Variants in B4GALT5 observed in about 807,000 individuals in gnomAD.
B4GALT5 encodes UDP-Gal:beta-GlcNAc beta-1,4-galactosyltransferase 5.
B4GALT5 carries 11 observed loss-of-function variants against 45.0 expected under a neutral mutation model. The observed-to-expected ratio is 0.24, with a 90% CI of 0.15 to 0.40. B4GALT5 has a LOEUF of 0.40. Ranked by LOEUF, B4GALT5 falls within the 10% of genes least tolerant of loss-of-function variation. The pLI, the probability that B4GALT5 is intolerant of heterozygous loss-of-function variation, is 1.00. For synonymous variants in B4GALT5, 185 were observed against 182.9 expected (o/e 1.01, Z -0.09); for missense variants, 337 against 500.2 (o/e 0.67, Z 3.11).
chr20:49,678,009 A>C (rs1326241343), intron 1 of B4GALT5, among the ~76,000 whole-genome samples: 1 of 152,222 alleles, frequency 6.6e-6, no homozygotes, highest in African/African-American at 2.4e-5. Context: ...CAGCCTCCCC[A>C]AGTGCTGGAA....
At chr20:49,650,821 T>G (rs1473321616) in intron 2 of B4GALT5, among the ~76,000 whole-genome samples, 1 of 151,980 alleles carries the variant, frequency 6.6e-6, no homozygotes, top group Non-Finnish European at 1.5e-5. Flanking sequence ...CCCCTTGGAG[T>G]TCCAAATATA....
intron 1 of B4GALT5, among the ~76,000 whole-genome samples, chr20:49,676,292 T>C (rs1310669457): frequency 2.0e-5 from 3 of 152,184 alleles, no homozygotes; most frequent in African/African-American, 4.8e-5. Context: ...TAGCACTGAC[T>C]ACAACCTTCT....
At chr20:49,709,715 G>A (rs2085899788) in intron 1 of B4GALT5, among the ~76,000 whole-genome samples, 1 of 151,234 alleles carries the variant, frequency 6.6e-6, no homozygotes, top group South Asian at 2.1e-4. Flanking sequence ...GTTGCAGTGA[G>A]CTGAGATCAC....
chr20:49,695,369 T>C (rs1259873343), intron 1 of B4GALT5, among the ~76,000 whole-genome samples: 2 of 152,232 alleles, frequency 1.3e-5, no homozygotes, highest in Admixed American at 6.5e-5. Context: ...ATTAACTCAT[T>C]AACCACAGGG....
Position 49,634,524 on chromosome 20 carries a change from T to C in B4GALT5, c.*1788A>G, listed in dbSNP as rs1437006833. ...GAGACTACAATTTGAGGGCTTTGGT[T>C]TGGGGAAAAACAAAGAGGCACAAAT... On this transcript the variant is annotated 3_prime_UTR_variant, in exon 9 of 9. Coordinates refer to ENST00000371711, the MANE Select transcript of B4GALT5 (RefSeq NM_004776.4). 6.6e-6 allele frequency: 1 copy of C among 152,026 alleles called. No individual in the cohort carries two copies. Among genetic ancestry groups the C allele is most frequent in the Non-Finnish European group, 1.5e-5 (1 of 67,998 alleles). The allele number at this position is 152,026 out of a possible 1,614,324, so 9.4% of individuals were successfully genotyped here. A position where few individuals can be genotyped will look rare whatever the true frequency, so the allele number is the denominator to read the frequency against.
At chr20:49,703,666 A>G (rs1182775430) in intron 1 of B4GALT5, among the ~76,000 whole-genome samples, 1 of 151,880 alleles carries the variant, frequency 6.6e-6, no homozygotes, top group Non-Finnish European at 1.5e-5. Context: ...AGGCAGGTGG[A>G]TCACCTGAGG....
intron 1 of B4GALT5, among the ~76,000 whole-genome samples, chr20:49,691,134 G>A (rs1024979792): frequency 2.6e-5 from 4 of 152,154 alleles, no homozygotes; most frequent in Admixed American, 2.0e-4. Context: ...ATTAATTTTT[G>A]AGACTAGCTA....
chr20:49,709,357 C>T (rs1426659374), intron 1 of B4GALT5, among the ~76,000 whole-genome samples: 1 of 152,190 alleles, frequency 6.6e-6, no homozygotes, highest in African/African-American at 2.4e-5. Flanking sequence ...TTTTATGCAA[C>T]ATTATTACCT....
intron 1 of B4GALT5, among the ~76,000 whole-genome samples, chr20:49,706,953 G>A (rs1277387463): frequency 6.6e-6 from 1 of 152,246 alleles, no homozygotes; most frequent in Non-Finnish European, 1.5e-5. Context: ...TGGAATTTCT[G>A]CTCTCTCAGA....
intron 1 of B4GALT5, among the ~76,000 whole-genome samples, chr20:49,690,050 C>T (rs915201796): frequency 5.3e-5 from 8 of 152,184 alleles, no homozygotes; most frequent in African/African-American, 1.9e-4. Context: ...GTCACCCAGG[C>T]TGGAGTGCAG....
At chr20:49,656,436 G>C (rs1007008567) in intron 2 of B4GALT5, 132 bp downstream of exon 2, 5 of 1,138,714 alleles carry the variant, frequency 4.4e-6, no homozygotes, top group Non-Finnish European at 5.0e-6. Flanking sequence ...AGCTTTTTTA[G>C]CAGTAAAGTA....
intron 1 of B4GALT5, among the ~76,000 whole-genome samples, chr20:49,676,616 T>C (rs1485863406): frequency 6.6e-6 from 1 of 152,206 alleles, no homozygotes; most frequent in Non-Finnish European, 1.5e-5. Context: ...AGAAGGCCCA[T>C]TGCTCTTGGC....
At chr20:49,692,600 T>C (rs2085818932) in intron 1 of B4GALT5, among the ~76,000 whole-genome samples, 5 of 152,232 alleles carry the variant, frequency 3.3e-5, no homozygotes, top group Admixed American at 3.3e-4. Context: ...GGGACTCAGT[T>C]GTAGTGCTGG....
intron 1 of B4GALT5, among the ~76,000 whole-genome samples, chr20:49,711,881 T>C (rs1369103120): frequency 6.6e-6 from 1 of 152,232 alleles, no homozygotes; most frequent in East Asian, 1.9e-4. Context: ...GAAATTTCTC[T>C]ATTCAGCTAG....
chr20:49,666,513 G>A (rs1266659702), intron 1 of B4GALT5, among the ~76,000 whole-genome samples: 2 of 152,158 alleles, frequency 1.3e-5, no homozygotes, highest in Non-Finnish European at 2.9e-5. Context: ...TGGATCACAG[G>A]TTCTACCTCT....
At chr20:49,667,114 A>C (rs2085693995) in intron 1 of B4GALT5, among the ~76,000 whole-genome samples, 1 of 152,162 alleles carries the variant, frequency 6.6e-6, no homozygotes, top group Non-Finnish European at 1.5e-5. Context: ...TTGTCTCCAG[A>C]GTCCAGATTT....
chr20:49,634,316 A>AC lies in B4GALT5; in HGVS notation c.*1995dup, dbSNP rs1568712369. ...CTAACCCACACACATACACACACAC[A>AC]CCCCTACACACACCCATGTAAACTA... On this transcript the variant is annotated 3_prime_UTR_variant, in exon 9 of 9. Coordinates refer to ENST00000371711, the MANE Select transcript of B4GALT5 (RefSeq NM_004776.4). 1 of 152,106 alleles carries AC rather than the reference A, an allele frequency of 6.6e-6. No homozygotes were observed. Among genetic ancestry groups the AC allele is most frequent in the Non-Finnish European group, 1.5e-5 (1 of 67,948 alleles). 9.4% of individuals were successfully genotyped at this position (152,106 alleles called of 1,614,324 possible). A position where few individuals can be genotyped will look rare whatever the true frequency, so the allele number is the denominator to read the frequency against.
At chr20:49,655,215 G>A (rs1475244034) in intron 2 of B4GALT5, among the ~76,000 whole-genome samples, 1 of 152,010 alleles carries the variant, frequency 6.6e-6, no homozygotes, top group African/African-American at 2.4e-5. Flanking sequence ...CGGATCACCT[G>A]AGGTCAGGAG....
intron 1 of B4GALT5, among the ~76,000 whole-genome samples, chr20:49,691,300 T>C (rs547286527): frequency 1.3e-5 from 2 of 152,224 alleles, no homozygotes; most frequent in East Asian, 3.9e-4. Flanking sequence ...AAGGACTGCT[T>C]GAGCCCAGGA....
Sources: gnomAD v4.1 joint callset for allele counts (sites outside exome capture counted in the v4.1 genomes callset) on GRCh38, gnomAD v4.1.1 for gene constraint, MANE v1.5 for transcripts, NCBI Gene and HGNC (gene_info 2026-07-23, HGNC 2026-07-21) for gene names.